GRK5: variants seen among roughly 807,000 people sequenced by gnomAD.
The protein encoded by GRK5 is g protein-coupled receptor kinase GRK5.
Under a neutral mutation model 78.4 loss-of-function variants are expected in GRK5, and 40 were observed. The ratio of observed to expected loss-of-function variants is 0.51; its 90% confidence interval spans 0.40 to 0.66. The LOEUF is 0.66. Among genes scored for constraint, GRK5 ranks in the 30% least tolerant of loss-of-function variants. The pLI, the probability that GRK5 is intolerant of heterozygous loss-of-function variation, is 0.00. For missense variants in GRK5, 598 were observed against 759.9 expected (o/e 0.79, Z 2.50); for synonymous variants, 289 against 296.8 (o/e 0.97, Z 0.27).
chr10:119,437,960 C>T (rs142995284), intron 9 of GRK5, among the ~76,000 whole-genome samples: 51 of 152,220 alleles, frequency 3.4e-4, no homozygotes, highest in African/African-American at 1.1e-3. Flanking sequence ...TAGCCGGATG[C>T]GGTGGCACGC....
chr10:119,427,745 CCAT>C (rs1378059110), intron 6 of GRK5, among the ~76,000 whole-genome samples: 1 of 135,788 alleles, frequency 7.4e-6, no homozygotes, highest in Non-Finnish European at 1.5e-5. Context: ...AACATCACTG[CCAT>C]CATCAGTATT....
chr10:119,346,251 G>A (rs145833497), intron 2 of GRK5, among the ~76,000 whole-genome samples: 37 of 152,338 alleles, frequency 2.4e-4, no homozygotes, highest in African/African-American at 7.7e-4. Context: ...CAGCATCGCC[G>A]CAGCGGGGCC....
At position 119,440,741 on chromosome 10, in the gene GRK5, G is replaced by A. The variant is rs1170190053; in HGVS notation, c.967+973G>A. Among the ~76,000 whole-genome samples the A allele has an allele frequency of 6.6e-5, 10 of 152,044 alleles. No homozygotes were observed. In the South Asian group the frequency reaches 2.1e-3, roughly 32 times the overall value. On this transcript the variant is annotated intron_variant, in intron 10 of 15. Coordinates refer to ENST00000392870, the MANE Select transcript of GRK5 (RefSeq NM_005308.3). ...AATTTTTGTATCTTTGGTAGAAATGGGGTTTTGCCATGTTGACCAGGCTGG... is the reference window on the plus strand; with the variant it reads ...AATTTTTGTATCTTTGGTAGAAATGAGGTTTTGCCATGTTGACCAGGCTGG...
intron 2 of GRK5, among the ~76,000 whole-genome samples, chr10:119,375,443 C>T (rs1851608952): frequency 1.3e-5 from 2 of 152,212 alleles, no homozygotes; most frequent in Admixed American, 6.5e-5. Flanking sequence ...ACTGACCCAG[C>T]ATCATGAGAG....
intron 10 of GRK5, among the ~76,000 whole-genome samples, chr10:119,440,487 C>T (rs1277654222): frequency 6.6e-6 from 1 of 151,854 alleles, no homozygotes; most frequent in Non-Finnish European, 1.5e-5. Flanking sequence ...AAGTGATTCT[C>T]CTGCCTCAGC....
intron 10 of GRK5, among the ~76,000 whole-genome samples, 168 bp downstream of exon 10, chr10:119,439,936 C>T (rs1417320108): frequency 6.6e-6 from 1 of 152,218 alleles, no homozygotes; most frequent in Admixed American, 6.5e-5. Flanking sequence ...GTGAACAGAG[C>T]TCCGCTTGGT....
At chr10:119,304,707 C>T (rs1227853936) in intron 1 of GRK5, among the ~76,000 whole-genome samples, 1 of 152,216 alleles carries the variant, frequency 6.6e-6, no homozygotes, top group Non-Finnish European at 1.5e-5. Flanking sequence ...ACCACGCTGC[C>T]TGCTCACCAG....
intron 1 of GRK5, among the ~76,000 whole-genome samples, chr10:119,308,013 G>A (rs1850300253): frequency 6.6e-6 from 1 of 152,130 alleles, no homozygotes; most frequent in South Asian, 2.1e-4. Flanking sequence ...CCTCTATGAG[G>A]CTCCATCTGA....
At chr10:119,342,933 CA>C (rs151087140) in intron 2 of GRK5, among the ~76,000 whole-genome samples, 1 of 152,296 alleles carries the variant, frequency 6.6e-6, no homozygotes, top group East Asian at 1.9e-4. Context: ...CTTCTGCCTC[CA>C]GGCAGGAGGG....
At chr10:119,341,636 C>G (rs1850982852) in intron 2 of GRK5, among the ~76,000 whole-genome samples, 4 of 152,036 alleles carry the variant, frequency 2.6e-5, no homozygotes, top group Non-Finnish European at 4.4e-5. Flanking sequence ...CCTTTGTCTT[C>G]TGTTTGGCTG....
In GRK5 at chr10:119,458,084, G is replaced by A. The variant is rs536567621; in HGVS notation, c.*3017G>A. 2.5e-4 allele frequency: 38 copies of A among 152,342 alleles called. No individual in the cohort carries two copies. Among genetic ancestry groups the A allele is most frequent in the African/African-American group, 7.9e-4 (33 of 41,580 alleles). The allele number at this position is 152,342 out of a possible 1,614,324, so 9.4% of individuals were successfully genotyped here. A position where few individuals can be genotyped will look rare whatever the true frequency, so the allele number is the denominator to read the frequency against. Reference sequence around the variant, plus strand: ...TGTCCAGGATAAGGCATATTTGGACGGTGAACGGATTTACTCTCGTTCATG... The same window carrying A: ...TGTCCAGGATAAGGCATATTTGGACAGTGAACGGATTTACTCTCGTTCATG... On this transcript the variant is annotated 3_prime_UTR_variant, in exon 16 of 16. Coordinates refer to ENST00000392870, the MANE Select transcript of GRK5 (RefSeq NM_005308.3).
chr10:119,281,193 G>A (rs1003863803), intron 1 of GRK5, among the ~76,000 whole-genome samples: 1 of 151,750 alleles, frequency 6.6e-6, no homozygotes, highest in African/African-American at 2.4e-5. Flanking sequence ...GCCACCATGT[G>A]CTGCCTCCAT....
intron 4 of GRK5, among the ~76,000 whole-genome samples, chr10:119,407,457 G>A (rs1416656817): frequency 6.6e-6 from 1 of 152,242 alleles, no homozygotes; most frequent in East Asian, 1.9e-4. Context: ...GCCAGTAAGT[G>A]TCTAAATGCT....
intron 10 of GRK5, 131 bp from the exon 11 acceptor site, chr10:119,441,868 G>C (rs952269990): frequency 7.3e-6 from 5 of 683,050 alleles, no homozygotes; most frequent in Admixed American, 6.6e-5. Flanking sequence ...TGAGATGGCA[G>C]ATTGGGGTCC....
chr10:119,393,565 C>T (rs750691667), intron 3 of GRK5, among the ~76,000 whole-genome samples: 1 of 152,208 alleles, frequency 6.6e-6, no homozygotes, highest in South Asian at 2.1e-4. Context: ...CCAGGGCCTG[C>T]GTCCTGCAGA....
intron 1 of GRK5, among the ~76,000 whole-genome samples, chr10:119,233,393 T>C (rs1255945148): frequency 6.6e-6 from 1 of 152,106 alleles, no homozygotes; most frequent in African/African-American, 2.4e-5. Context: ...CCAAAAGGGC[T>C]GCTCTTCTGC....
chr10:119,425,078 T>C lies in GRK5; in HGVS notation c.526T>C (p.Leu176=), dbSNP rs2133886796. 1.2e-6 allele frequency: 2 copies of C among 1,611,316 alleles called. No individual in the cohort carries two copies. The highest frequency in any genetic ancestry group is 1.3e-5 in the African/African-American group (1 of 74,934). The change falls in exon 6 of 16, where the codon TTG becomes CTG. Residue 176 remains leucine, a synonymous_variant. Transcript: ENST00000392870. Reference sequence around the variant, plus strand: ...TGACCGCTTTCTCCAGTGGAAGTGGTTGGAAAGGTGAGTCCACCACACCCC... The same window carrying C: ...TGACCGCTTTCTCCAGTGGAAGTGGCTGGAAAGGTGAGTCCACCACACCCC... ...FFDRFLQWKW[L]ERQPVTKNTF...
chr10:119,447,424 G>T (rs961874894), intron 12 of GRK5, among the ~76,000 whole-genome samples: 5 of 151,916 alleles, frequency 3.3e-5, no homozygotes. Context: ...AACGTGTTTT[G>T]GGTGTTCCCC....
chr10:119,427,327 T>C (rs111164526), intron 6 of GRK5, among the ~76,000 whole-genome samples: 3,785 of 78,848 alleles, frequency 0.048, 3 homozygotes, highest in East Asian at 0.059. Flanking sequence ...ACAGCATCAC[T>C]GCCTTCATCA....
Sources: gnomAD v4.1 joint callset for allele counts (sites outside exome capture counted in the v4.1 genomes callset) on GRCh38, gnomAD v4.1.1 for gene constraint, MANE v1.5 for transcripts, NCBI Gene and HGNC (gene_info 2026-07-23, HGNC 2026-07-21) for gene names.